ACER3: variants seen among roughly 807,000 people sequenced by gnomAD.
ACER3 encodes the protein alkCDase 3.
Under a neutral mutation model 48.9 loss-of-function variants are expected in ACER3, and 16 were observed. The observed-to-expected ratio is 0.33, with a 90% CI of 0.22 to 0.50. ACER3 has a LOEUF of 0.50. Among genes scored for constraint, ACER3 ranks in the 20% least tolerant of loss-of-function variants. The pLI is 0.98. For synonymous variants in ACER3, 109 were observed against 107.8 expected (o/e 1.01, Z -0.07); for missense variants, 227 against 326.0 (o/e 0.70, Z 2.34).
chr11:76,990,544 C>T lies in ACER3; in HGVS notation c.408C>T (p.Tyr136=), dbSNP rs1367326432. Residue 136 remains tyrosine (Y), a synonymous_variant, in exon 6 of 11, where the codon TAC becomes TAT. Transcript: ENST00000532485. Reference sequence around the variant, plus strand: ...TTTTTTCTAATATTTTGCAGGTTTACCTTAAGGTAAAAGAGCCGATATTCC... The same window carrying T: ...TTTTTTCTAATATTTTGCAGGTTTATCTTAAGGTAAAAGAGCCGATATTCC... ...VLFSLIVTTV[Y]LKVKEPIFHQ... The T allele has an allele frequency of 4.0e-6, 6 of 1,492,182 alleles. No homozygotes were observed. Among genetic ancestry groups the T allele is most frequent in the Non-Finnish European group, 5.6e-6 (6 of 1,075,442 alleles). 92.4% of individuals were successfully genotyped at this position (1,492,182 alleles called of 1,614,324 possible). A position where few individuals can be genotyped will look rare whatever the true frequency, so the allele number is the denominator to read the frequency against.
At chr11:76,895,756 T>G (rs2134642094) in intron 1 of ACER3, among the ~76,000 whole-genome samples, 1 of 152,310 alleles carries the variant, frequency 6.6e-6, no homozygotes, top group Non-Finnish European at 1.5e-5. Flanking sequence ...GTAAAAAATG[T>G]TTTTTTAATA....
At chr11:76,873,272 G>A (rs1049161288) in intron 1 of ACER3, among the ~76,000 whole-genome samples, 1 of 152,098 alleles carries the variant, frequency 6.6e-6, no homozygotes, top group Non-Finnish European at 1.5e-5. Flanking sequence ...TACACTTGGA[G>A]AAACAAGGCT....
At chr11:76,987,876 G>A (rs1948717052) in intron 5 of ACER3, among the ~76,000 whole-genome samples, 1 of 152,202 alleles carries the variant, frequency 6.6e-6, no homozygotes, top group Admixed American at 6.5e-5. Flanking sequence ...AGAGGTCAAG[G>A]CTTCAGTGAG....
chr11:77,011,505 A>G, intron 7 of ACER3: 2 of 437,742 alleles, frequency 4.6e-6, no homozygotes, highest in Non-Finnish European at 6.1e-6. Flanking sequence ...CTTGGGACTC[A>G]TTCTTGCCTT....
At chr11:76,944,900 T>A (rs977594866) in intron 2 of ACER3, among the ~76,000 whole-genome samples, 5 of 152,144 alleles carry the variant, frequency 3.3e-5, no homozygotes, top group African/African-American at 1.2e-4. Flanking sequence ...TCATTCTTTT[T>A]TATTATTTTT....
At chr11:76,926,696 G>A (rs759358777) in intron 2 of ACER3, 29 bp downstream of exon 2, 3 of 1,408,940 alleles carry the variant, frequency 2.1e-6, no homozygotes, top group Non-Finnish European at 3.0e-6. Flanking sequence ...CTGAAGAAAT[G>A]TACAGTATTC....
At chr11:76,932,618 C>T (rs1250804757) in intron 2 of ACER3, among the ~76,000 whole-genome samples, 3 of 152,030 alleles carry the variant, frequency 2.0e-5, no homozygotes, top group South Asian at 2.1e-4. Flanking sequence ...ATGGTGGCCT[C>T]CTAAGCTGGA....
At chr11:76,865,827 T>C (rs1314080980) in intron 1 of ACER3, among the ~76,000 whole-genome samples, 1 of 148,072 alleles carries the variant, frequency 6.8e-6, no homozygotes, top group Non-Finnish European at 1.5e-5. Context: ...TTTTTTTTTT[T>C]CTTTTTTGAG....
chr11:76,936,559 C>G (rs1179439568), intron 2 of ACER3, among the ~76,000 whole-genome samples: 1 of 151,956 alleles, frequency 6.6e-6, no homozygotes, highest in African/African-American at 2.4e-5. Flanking sequence ...ATAAAAAAAA[C>G]TTTTGTTATA....
At chr11:76,896,675 A>G (rs1478722510) in intron 1 of ACER3, among the ~76,000 whole-genome samples, 1 of 152,172 alleles carries the variant, frequency 6.6e-6, no homozygotes, top group Non-Finnish European at 1.5e-5. Context: ...ATCCTGTGAT[A>G]GACTTTGAGA....
At chr11:76,977,687 G>A (rs1948477338) in intron 4 of ACER3, among the ~76,000 whole-genome samples, 1 of 152,218 alleles carries the variant, frequency 6.6e-6, no homozygotes. Context: ...GCTGCAGCAG[G>A]GGAGGCAGTG....
At chr11:77,005,992 T>TATATATACATATATATATATA (rs1491403985) in intron 7 of ACER3, among the ~76,000 whole-genome samples, 7 of 70,578 alleles carry the variant, frequency 9.9e-5, no homozygotes, top group Admixed American at 1.7e-4. Flanking sequence ...TATATATATA[T>TATATATACATATATATATATA]TTTTTTTTTT....
chr11:76,919,008 TG>T (rs925658645), intron 1 of ACER3, among the ~76,000 whole-genome samples: 1 of 152,176 alleles, frequency 6.6e-6, no homozygotes, highest in African/African-American at 2.4e-5. Flanking sequence ...AGTGCTGGGT[TG>T]CTTTCAGGCT....
rs1229622885 is a variant in ACER3, at chr11:77,026,091, T to C, written c.*5764T>C. 1.3e-5 allele frequency: 2 copies of C among 152,184 alleles called. No homozygotes were observed. The highest frequency in any genetic ancestry group is 6.5e-5 in the Admixed American group (1 of 15,274). 9.4% of individuals were successfully genotyped at this position (152,184 alleles called of 1,614,324 possible). ...CTATGAGCAAGGTCCATGATTTAGTTTTCAATATAAAGGGAATTCCATTCT... is the reference window on the plus strand; with the variant it reads ...CTATGAGCAAGGTCCATGATTTAGTCTTCAATATAAAGGGAATTCCATTCT... On this transcript the variant is annotated 3_prime_UTR_variant, in exon 11 of 11. Coordinates refer to ENST00000532485, the MANE Select transcript of ACER3 (RefSeq NM_018367.7).
chr11:76,985,507 A>T, intron 4 of ACER3, 136 bp from the exon 5 acceptor site: 1 of 573,666 alleles, frequency 1.7e-6, no homozygotes, highest in Non-Finnish European at 2.9e-6. Context: ...TAGGCAGTGC[A>T]GGTTTTCTCT....
Position 76,968,559 on chromosome 11 carries a change from T to A in ACER3, c.268-7730T>A, listed in dbSNP as rs968837589. On this transcript the variant is annotated intron_variant, in intron 3 of 10. Coordinates refer to ENST00000532485, the MANE Select transcript of ACER3 (RefSeq NM_018367.7). ...TTCAAACTATACTACAAGGCTACAG[T>A]AACCAAAACAGCCTGGTACTGGTAC... is the stretch of plus-strand genomic sequence containing the variant. 2.7e-3 allele frequency among the ~76,000 whole-genome samples: 405 copies of A among 152,270 alleles called. 2 individuals carry two copies. Among genetic ancestry groups the A allele is most frequent in the African/African-American group, 9.1e-3 (380 of 41,554 alleles).
chr11:76,948,840 A>G (rs937215520), intron 2 of ACER3, among the ~76,000 whole-genome samples: 9 of 152,214 alleles, frequency 5.9e-5, no homozygotes, highest in African/African-American at 2.2e-4. Context: ...TTTGAGTTAG[A>G]CTAGAAAATA....
At chr11:77,002,925 C>G (rs112040383) in intron 7 of ACER3, among the ~76,000 whole-genome samples, 62 of 152,124 alleles carry the variant, frequency 4.1e-4, no homozygotes, top group African/African-American at 1.3e-3. Context: ...AAATGGTGAT[C>G]AGGGCCTGGT....
Position 77,020,467 on chromosome 11 carries a change from CCACA to C in ACER3, c.*143_*146del. On this transcript the variant is annotated 3_prime_UTR_variant, in exon 11 of 11. Coordinates refer to ENST00000532485, the MANE Select transcript of ACER3 (RefSeq NM_018367.7). Reference sequence around the variant, plus strand: ...GTGACTTTCTGACTAATGCTGCCACCCACACAGAGAATAAGGAGTAGGGCCTGCT... The same window carrying C: ...GTGACTTTCTGACTAATGCTGCCACCCAGAGAATAAGGAGTAGGGCCTGCT... 1.1e-6 allele frequency: 1 copy of C among 904,714 alleles called. No homozygotes were observed. The highest frequency in any genetic ancestry group is 1.7e-6 in the Non-Finnish European group (1 of 599,690). The allele number at this position is 904,714 out of a possible 1,614,324, so 56.0% of individuals were successfully genotyped here.
Sources: gnomAD v4.1 joint callset for allele counts (sites outside exome capture counted in the v4.1 genomes callset) on GRCh38, gnomAD v4.1.1 for gene constraint, MANE v1.5 for transcripts, NCBI Gene and HGNC (gene_info 2026-07-23, HGNC 2026-07-21) for gene names.